The following ARID4A variants were observed in gnomAD, a reference collection of about 807,000 sequenced individuals.
ARID4A encodes AT-rich interaction domain 4A.
ARID4A carries 39 observed loss-of-function variants against 148.6 expected under a neutral mutation model. That is an observed-to-expected ratio of 0.26 (90% CI 0.20 to 0.34). The LOEUF is 0.34. Among genes scored for constraint, ARID4A ranks in the 10% least tolerant of loss-of-function variants. ARID4A has a pLI of 1.00. For synonymous variants in ARID4A, 475 were observed against 481.2 expected, an observed-to-expected ratio of 0.99 and a Z score of 0.17; for missense variants, 1,265 against 1,449.1, an observed-to-expected ratio of 0.87 and a Z score of 2.06.
intron 17 of ARID4A, among the ~76,000 whole-genome samples, chr14:58,356,337 T>A (rs1455182682): frequency 6.6e-6 from 1 of 152,226 alleles, no homozygotes; most frequent in African/African-American, 2.4e-5. Flanking sequence ...CTTACCAGAC[T>A]ATACTTGATT....
In ARID4A at chr14:58,341,362, T is replaced by C. The variant is rs375274124; in HGVS notation, c.907-3333T>C. Among the ~76,000 whole-genome samples the C allele has an allele frequency of 7.2e-4, 110 of 152,354 alleles. 1 individual carries two copies. Among genetic ancestry groups the C allele is most frequent in the African/African-American group, 2.5e-3 (105 of 41,580 alleles). ...CTAATCCCAGCCTGCCTTTGTCAGTTTCATGCTTACGCTGTTTGCCCATTT... is the reference window on the plus strand; with the variant it reads ...CTAATCCCAGCCTGCCTTTGTCAGTCTCATGCTTACGCTGTTTGCCCATTT... On this transcript the variant is annotated intron_variant, in intron 11 of 23. Transcript: ENST00000355431.
At chr14:58,320,369 A>C (rs1322408542) in intron 7 of ARID4A, among the ~76,000 whole-genome samples, 1 of 152,190 alleles carries the variant, frequency 6.6e-6, no homozygotes, top group Non-Finnish European at 1.5e-5. Flanking sequence ...TTACATAACC[A>C]AAGTATGAAT....
chr14:58,364,413 A>C lies in ARID4A; in HGVS notation c.2324A>C (p.Lys775Thr). The C allele has an allele frequency of 6.2e-7, 1 of 1,612,296 alleles. No individual in the cohort carries two copies. Among genetic ancestry groups the C allele is most frequent in the Non-Finnish European group, 8.5e-7 (1 of 1,179,696 alleles). Reference sequence around the variant, plus strand: ...CAAATAGTACAGATTTTTGGGAACAAAATGGAAAAAACAGAAGAAGTTAAG... The same window carrying C: ...CAAATAGTACAGATTTTTGGGAACACAATGGAAAAAACAGAAGAAGTTAAG... ...NEQIVQIFGN[K>T]MEKTEEVKKE... The change falls in exon 20 of 24, where the codon AAA (lysine) becomes ACA (threonine). Residue 775 changes from lysine to threonine, a missense_variant. Around this residue, in one of 9 missense-constraint regions of ARID4A, gnomAD observed 666 missense variants for 730.9 expected, o/e 0.91. Transcript: ENST00000355431.
intron 5 of ARID4A, among the ~76,000 whole-genome samples, chr14:58,311,769 A>G (rs2032050523): frequency 6.6e-6 from 1 of 152,194 alleles, no homozygotes; most frequent in African/African-American, 2.4e-5. Flanking sequence ...AAAAGAAGGA[A>G]ATCCTGACAT....
At chr14:58,323,809 CTG>C (rs2140176847) in intron 8 of ARID4A, among the ~76,000 whole-genome samples, 192 bp downstream of exon 8, 2 of 150,522 alleles carry the variant, frequency 1.3e-5, no homozygotes, top group African/African-American at 4.9e-5. Flanking sequence ...CTTTAATTCT[CTG>C]TAGGCTTTTA....
At position 58,360,869 on chromosome 14, in the gene ARID4A, C is replaced by T. The variant is rs183306999; in HGVS notation, c.1939-32C>T. ...ATGTTCATTTTTCGTAAAGCATTGG[C>T]CCTTCTCATACATTTTGTTGTTGTT... On this transcript the variant is annotated intron_variant, in intron 18 of 23. Coordinates refer to ENST00000355431, the MANE Select transcript of ARID4A (RefSeq NM_002892.4). 9 of 1,603,578 alleles carry T rather than the reference C, an allele frequency of 5.6e-6. No individual in the cohort carries two copies. In the Admixed American group the frequency reaches 8.5e-5, roughly 15 times the overall value.
chr14:58,358,031 G>T (rs531920651), intron 17 of ARID4A, among the ~76,000 whole-genome samples: 4 of 151,768 alleles, frequency 2.6e-5, no homozygotes, highest in African/African-American at 7.3e-5. Flanking sequence ...GGCAAAACCC[G>T]TCTCTATAAA....
At chr14:58,370,368 C>T (rs2035550681) in intron 23 of ARID4A, among the ~76,000 whole-genome samples, 1 of 152,212 alleles carries the variant, frequency 6.6e-6, no homozygotes, top group African/African-American at 2.4e-5. Context: ...ACAGTCTTGG[C>T]TCACTGCAGC....
chr14:58,301,549 G>A (rs1195218956), intron 2 of ARID4A, 31 bp from the exon 3 acceptor site: 1 of 1,516,454 alleles, frequency 6.6e-7, no homozygotes, highest in African/African-American at 1.4e-5. Context: ...GCATAGTAAT[G>A]ACATTCACAG....
At chr14:58,307,007 C>T (rs952530498) in intron 5 of ARID4A, among the ~76,000 whole-genome samples, 2 of 152,160 alleles carry the variant, frequency 1.3e-5, no homozygotes, top group Admixed American at 1.3e-4. Context: ...TGAGAAGCAA[C>T]AAGTGTCATA....
chr14:58,360,213 C>T (rs1459004199), intron 18 of ARID4A, among the ~76,000 whole-genome samples: 1 of 152,110 alleles, frequency 6.6e-6, no homozygotes, highest in African/African-American at 2.4e-5. Flanking sequence ...ACTCAAATTC[C>T]TGTAGAGGCT....
chr14:58,352,941 A>T (rs1306032612), intron 16 of ARID4A, among the ~76,000 whole-genome samples: 1 of 152,184 alleles, frequency 6.6e-6, no homozygotes, highest in Non-Finnish European at 1.5e-5. Context: ...AACAAATAGA[A>T]TTCAACACAA....
intron 17 of ARID4A, among the ~76,000 whole-genome samples, chr14:58,358,018 C>T (rs371689951): frequency 6.6e-6 from 1 of 152,076 alleles, no homozygotes; most frequent in East Asian, 1.9e-4. Context: ...GCCTGGGCAA[C>T]ATGGCAAAAC....
chr14:58,309,226 C>T (rs2031835678), intron 5 of ARID4A, among the ~76,000 whole-genome samples: 1 of 152,228 alleles, frequency 6.6e-6, no homozygotes, highest in Admixed American at 6.5e-5. Context: ...AGCAGTCTTA[C>T]CGCCTTAGCC....
At position 58,363,783 on chromosome 14, in the gene ARID4A, G is replaced by A. The variant is rs192050788; in HGVS notation, c.2081-387G>A. ...ATATTCCTTTCTTAGGGTACAAAAT[G>A]CCCATCATCTGTCCTTCCTAGATAC... On this transcript the variant is annotated intron_variant, in intron 19 of 23. Coordinates refer to ENST00000355431, the MANE Select transcript of ARID4A (RefSeq NM_002892.4). Among the ~76,000 whole-genome samples, 55 of 152,164 alleles carry A rather than the reference G, an allele frequency of 3.6e-4. 1 individual carries two copies. The highest frequency in any genetic ancestry group is 3.4e-3 in the Middle Eastern group (1 of 294).
chr14:58,351,699 A>G (rs1029457997), intron 16 of ARID4A: 12 of 175,798 alleles, frequency 6.8e-5, no homozygotes, highest in African/African-American at 2.6e-4. Context: ...AAAGCTAACA[A>G]ACACATGGGT....
At chr14:58,322,175 T>G (rs1178947877) in intron 7 of ARID4A, among the ~76,000 whole-genome samples, 1 of 151,880 alleles carries the variant, frequency 6.6e-6, no homozygotes, top group Admixed American at 6.6e-5. Flanking sequence ...TTGTCATACT[T>G]GCCAGGCTGG....
intron 10 of ARID4A, 133 bp from the exon 11 acceptor site, chr14:58,329,870 T>C (rs1467865243): frequency 1.0e-5 from 14 of 1,396,492 alleles, no homozygotes; most frequent in East Asian, 2.3e-5. Flanking sequence ...TGAAATATGT[T>C]AAAGCTTACT....
intron 7 of ARID4A, among the ~76,000 whole-genome samples, chr14:58,322,212 C>T (rs1352325371): frequency 2.0e-5 from 3 of 151,988 alleles, no homozygotes; most frequent in Admixed American, 6.6e-5. Flanking sequence ...TCAAGGGATC[C>T]ACCCGCCTCG....
Sources: gnomAD v4.1 joint callset for allele counts (sites outside exome capture counted in the v4.1 genomes callset) on GRCh38, gnomAD v4.1.1 for gene constraint, gnomAD v4.1.1 regional missense constraint, MANE v1.5 for transcripts, NCBI Gene and HGNC (gene_info 2026-07-23, HGNC 2026-07-21) for gene names.